AMPD2: variants seen among roughly 807,000 people sequenced by gnomAD.
The protein encoded by AMPD2 is adenosine monophosphate deaminase 2.
Under a neutral mutation model 91.3 loss-of-function variants are expected in AMPD2, and 52 were observed. The ratio of observed to expected loss-of-function variants is 0.57; its 90% CI spans 0.46 to 0.72. The LOEUF (loss-of-function observed/expected upper bound fraction) is 0.72, where lower values mean the gene tolerates loss of function less well. Among genes scored for constraint, AMPD2 ranks in the 30% least tolerant of loss-of-function variants. The pLI, the probability that AMPD2 is intolerant of heterozygous loss-of-function variation, is 0.00. For missense variants in AMPD2, 822 were observed against 1,122.3 expected, an observed-to-expected ratio of 0.73 and a Z score of 3.82; for synonymous variants, 455 against 456.4, an observed-to-expected ratio of 1.00 and a Z score of 0.04.
intron 2 of AMPD2, 163 bp downstream of exon 2, chr1:109,621,429 T>TGGGGGGGGGG: frequency 2.2e-5 from 3 of 139,166 alleles, no homozygotes; most frequent in Non-Finnish European, 2.9e-5. Context: ...GAAGGTGGGG[T>TGGGGGGGGGG]GAGGGGTGGT....
intron 4 of AMPD2, 30 bp from the exon 5 acceptor site, chr1:109,626,130 T>G: frequency 6.2e-7 from 1 of 1,613,462 alleles, no homozygotes; most frequent in Non-Finnish European, 8.5e-7. Flanking sequence ...CCTCGGGATC[T>G]GCCTGACTTC....
intron 2 of AMPD2, chr1:109,621,476 G>C (rs1301271668): frequency 7.5e-6 from 5 of 666,824 alleles, no homozygotes; most frequent in Non-Finnish European, 1.3e-5. Context: ...TCTGTGCCAG[G>C]GATGCTGTCC....
In AMPD2 at chr1:109,625,967, C is replaced by A; in HGVS notation, c.353+175C>A. 1 of 1,201,558 alleles carries A rather than the reference C, an allele frequency of 8.3e-7. No homozygotes were observed. Among genetic ancestry groups the A allele is most frequent in the Non-Finnish European group, 1.2e-6 (1 of 854,856 alleles). The allele number at this position is 1,201,558 out of a possible 1,614,324, so 74.4% of individuals were successfully genotyped here. On this transcript the variant is annotated intron_variant, in intron 4 of 18. Coordinates refer to ENST00000528667, the MANE Select transcript of AMPD2 (RefSeq NM_001368809.2). This position sits in a 1 kb window ranked among gnomAD's most constrained non-coding sequence, Gnocchi z 4.0. ...TTCTGTCTTCTAGCCGCCGGTGTGG[C>A]TGGGTCATGTTGCTTAACTTATGGG...
chr1:109,622,205 A>T (rs1246736731), intron 2 of AMPD2: 1 of 456,042 alleles, frequency 2.2e-6, no homozygotes, highest in Non-Finnish European at 4.4e-6. Context: ...CAAGGTCTCT[A>T]CTGTCCTGAG....
intron 2 of AMPD2, among the ~76,000 whole-genome samples, chr1:109,621,595 G>A (rs1233700003): frequency 6.6e-6 from 1 of 152,224 alleles, no homozygotes; most frequent in East Asian, 1.9e-4. Context: ...GAATGGAGCG[G>A]GGGTGTGTGG....
In AMPD2 at chr1:109,629,156, T is replaced by C. The variant is rs1650980133; in HGVS notation, c.1619T>C (p.Leu540Pro). ...CAGCTGGCCAACTTCCAGGAGATGC[T>C]GGAGAACATCTTCCTGCCACTGTTC... is the stretch of plus-strand genomic sequence containing the variant. The part of the protein sequence containing the change: ...KGQLANFQEM[L>P]ENIFLPLFEA... Residue 540 changes from leucine to proline, a missense_variant, in exon 14 of 19, where the codon CTG becomes CCG. Physicochemically the swap from Leu to Pro is moderately conservative, Grantham distance 98. Around this residue, in one of 5 missense-constraint regions of AMPD2, gnomAD observed 430 missense variants for 606.0 expected, o/e 0.71. Coordinates refer to ENST00000528667, the MANE Select transcript of AMPD2 (RefSeq NM_001368809.2). 6.2e-7 allele frequency: 1 copy of C among 1,613,942 alleles called. No homozygotes were observed. The highest frequency in any genetic ancestry group is 1.3e-5 in the African/African-American group (1 of 74,922).
intron 15 of AMPD2, 98 bp downstream of exon 15, chr1:109,629,588 C>T: frequency 6.6e-7 from 1 of 1,506,128 alleles, no homozygotes. Context: ...CTCTGACCCA[C>T]CTGTTGCCTG....
In AMPD2 at chr1:109,628,056, G is replaced by A. The variant is rs1650862389; in HGVS notation, c.1081-27G>A. 1 of 1,606,964 alleles carries A rather than the reference G, an allele frequency of 6.2e-7. No homozygotes were observed. The highest frequency in any genetic ancestry group is 8.5e-7 in the Non-Finnish European group (1 of 1,175,336). ...CCCCAGACCTTCCTGGCCTCTGGTG[G>A]ATCAGCAGTGCCCTGTTCCATTCCA... On this transcript the variant is annotated intron_variant, in intron 10 of 18. Transcript: ENST00000528667. This position sits in a 1 kb window ranked among gnomAD's most constrained non-coding sequence, Gnocchi z 7.1.
chr1:109,622,204 T>C (rs1266495059), intron 2 of AMPD2: 6 of 456,190 alleles, frequency 1.3e-5, no homozygotes, highest in African/African-American at 1.0e-4. Flanking sequence ...GCAAGGTCTC[T>C]ACTGTCCTGA....
intron 1 of AMPD2, 76 bp from the exon 2 acceptor site, chr1:109,620,838 G>C: frequency 7.1e-7 from 1 of 1,403,816 alleles, no homozygotes; most frequent in East Asian, 2.7e-5. Flanking sequence ...GAGGGCTCTT[G>C]GTGGGTTAGT....
At position 109,625,800 on chromosome 1, in the gene AMPD2, C is replaced by A. The variant is rs376994583; in HGVS notation, c.353+8C>A. 17 of 1,613,746 alleles carry A rather than the reference C, an allele frequency of 1.1e-5. No individual in the cohort carries two copies. The highest frequency in any genetic ancestry group is 2.7e-5 in the African/African-American group (2 of 74,940). ...GATCAGCCAGGATGTCAAGTGAGCCCGGCAGGCAGCTGCTTAGTCTCCCTC... is the reference window on the plus strand; with the variant it reads ...GATCAGCCAGGATGTCAAGTGAGCCAGGCAGGCAGCTGCTTAGTCTCCCTC... On this transcript the variant is annotated splice_region_variant and intron_variant, in intron 4 of 18. Coordinates refer to ENST00000528667, the MANE Select transcript of AMPD2 (RefSeq NM_001368809.2). The surrounding 1 kb of genome is among the most constrained non-coding windows in gnomAD (Gnocchi z 4.0).
chr1:109,623,749 T>C (rs1413141748), intron 2 of AMPD2: 1 of 152,454 alleles, frequency 6.6e-6, no homozygotes, highest in Non-Finnish European at 1.5e-5. Context: ...TAAGGAGGCT[T>C]GGCTCCTCCC....
At chr1:109,621,377 T>A in intron 2 of AMPD2, 111 bp downstream of exon 2, 1 of 976,134 alleles carries the variant, frequency 1.0e-6, no homozygotes, top group Non-Finnish European at 1.4e-6. Flanking sequence ...ATCCTCTCTG[T>A]GGTGGTGCCC....
At position 109,626,779 on chromosome 1, in the gene AMPD2, C is replaced by T. The variant is rs1263227106; in HGVS notation, c.585C>T (p.Phe195=). ...DAAKSVVRAL[F]IREKYMALSL... ...CCAAGAGTGTGGTGCGGGCGCTCTT[C>T]ATCCGGGAGAAGTACATGGCCCTGT... Residue 195 remains phenylalanine (F), a synonymous_variant, in exon 7 of 19, where the codon TTC becomes TTT. Coordinates refer to ENST00000528667, the MANE Select transcript of AMPD2 (RefSeq NM_001368809.2). 1 of 1,613,830 alleles carries T rather than the reference C, an allele frequency of 6.2e-7. No individual in the cohort carries two copies. Among genetic ancestry groups the T allele is most frequent in the African/African-American group, 1.3e-5 (1 of 74,976 alleles).
chr1:109,628,816 C>T lies in AMPD2; in HGVS notation c.1571+10C>T. ...AGGTGCCCCGCCTCTTGTGAGTGTC[C>T]CTGGAGTGGGAGGGGAACCTGCGGG... is the stretch of plus-strand genomic sequence containing the variant. On this transcript the variant is annotated intron_variant, in intron 13 of 18. Transcript: ENST00000528667. The surrounding 1 kb of genome is among the most constrained non-coding windows in gnomAD (Gnocchi z 7.1). 1.3e-6 allele frequency: 2 copies of T among 1,554,188 alleles called. No individual in the cohort carries two copies. Among genetic ancestry groups the T allele is most frequent in the Non-Finnish European group, 1.7e-6 (2 of 1,147,954 alleles).
chr1:109,627,621 A>G, intron 9 of AMPD2, 103 bp downstream of exon 9: 1 of 1,532,370 alleles, frequency 6.5e-7, no homozygotes, highest in East Asian at 2.3e-5. Context: ...TGCCCTTCCT[A>G]GTTGCTGAGC....
chr1:109,620,972 G>C lies in AMPD2; in HGVS notation c.-204G>C, dbSNP rs1182714148. ...CTGAGGAGGCAGGGGAGGGATAAGG[G>C]GCAGAGATGGAGGCCCCACTCCCCG... On this transcript the variant is annotated 5_prime_UTR_variant, in exon 2 of 19. Transcript: ENST00000528667. 25 of 1,546,178 alleles carry C rather than the reference G, an allele frequency of 1.6e-5. No individual in the cohort carries two copies. Among genetic ancestry groups the C allele is most frequent in the Non-Finnish European group, 2.0e-5 (23 of 1,145,638 alleles).
In AMPD2 at chr1:109,625,346, A is replaced by T. The variant is rs781265697; in HGVS notation, c.135A>T (p.Arg45=). ...GGGCCCCTCCGCTGCAGTCTGCCCG[A>T]TCCCTGCCGGGCCCCGCCCCCTGCC... ...GLGAPPLQSA[R]SLPGPAPCLK... The change falls in exon 3 of 19, where the codon CGA becomes CGT. Residue 45 remains arginine (R), a synonymous_variant. Transcript: ENST00000528667. The surrounding 1 kb of genome is among the most constrained non-coding windows in gnomAD (Gnocchi z 4.0). 3 of 1,613,332 alleles carry T rather than the reference A, an allele frequency of 1.9e-6. No homozygotes were observed. Among genetic ancestry groups the T allele is most frequent in the Non-Finnish European group, 2.5e-6 (3 of 1,179,846 alleles).
intron 9 of AMPD2, 109 bp from the exon 10 acceptor site, chr1:109,627,665 C>A: frequency 6.5e-7 from 1 of 1,536,846 alleles, no homozygotes. Flanking sequence ...TCCCTCTTGG[C>A]AGCCTCCATC....
Sources: gnomAD v4.1 joint callset for allele counts (sites outside exome capture counted in the v4.1 genomes callset) on GRCh38, gnomAD v4.1.1 for gene constraint, gnomAD v4.1.1 regional missense constraint, Gnocchi (gnomAD v3.1) non-coding constraint, MANE v1.5 for transcripts, NCBI Gene and HGNC (gene_info 2026-07-23, HGNC 2026-07-21) for gene names.